The following CPT1A variants were observed in gnomAD, a reference collection of about 807,000 sequenced individuals.
CPT1A encodes the protein carnitine O-palmitoyltransferase 1, liver isoform.
CPT1A carries 64 observed loss-of-function variants against 100.8 expected under a neutral mutation model. The ratio of observed to expected loss-of-function variants is 0.63; its 90% CI spans 0.52 to 0.78. The LOEUF (loss-of-function observed/expected upper bound fraction) is 0.78. CPT1A is among the 30% of genes least tolerant of loss of function. The pLI is 0.00. For missense variants in CPT1A, 802 were observed against 1,034.1 expected (o/e 0.78, Z 3.08); for synonymous variants, 363 against 396.0 (o/e 0.92, Z 0.99).
intron 4 of CPT1A, 38 bp from the exon 5 acceptor site, chr11:68,804,139 A>G (rs372242969): frequency 9.2e-6 from 14 of 1,516,444 alleles, no homozygotes; most frequent in Non-Finnish European, 1.2e-5. Context: ...CTACTGCCAT[A>G]CTACTCTGAA....
intron 1 of CPT1A, among the ~76,000 whole-genome samples, chr11:68,825,866 C>T (rs1388401290): frequency 1.3e-5 from 2 of 152,160 alleles, no homozygotes; most frequent in Non-Finnish European, 1.5e-5. Flanking sequence ...TCTGAGTCAC[C>T]GGAAACAAAG....
chr11:68,795,887 C>T (rs568142828), intron 7 of CPT1A, among the ~76,000 whole-genome samples: 4 of 143,984 alleles, frequency 2.8e-5, no homozygotes, highest in African/African-American at 7.8e-5. Context: ...CCAGCCTCAG[C>T]GACAGAGCAA....
chr11:68,755,098 T>G lies in CPT1A; in HGVS notation c.*2546A>C, dbSNP rs370665972. ...CCTTGGACATGTACAATAAGACCCC[T>G]CTTTCTCCCCTCAAGGAATATAAAA... On this transcript the variant is annotated 3_prime_UTR_variant, in exon 19 of 19. Coordinates refer to ENST00000265641, the MANE Select transcript of CPT1A (RefSeq NM_001876.4). 1 of 482,386 alleles carries G rather than the reference T, an allele frequency of 2.1e-6. No homozygotes were observed. The allele number at this position is 482,386 out of a possible 1,614,324, so 29.9% of individuals were successfully genotyped here.
intron 6 of CPT1A, among the ~76,000 whole-genome samples, chr11:68,797,237 C>G (rs1391014522): frequency 6.6e-6 from 1 of 151,932 alleles, no homozygotes; most frequent in African/African-American, 2.4e-5. Flanking sequence ...ACCAGGAGTT[C>G]GAGACCAGGC....
chr11:68,825,160 G>A (rs1856690717), intron 1 of CPT1A, among the ~76,000 whole-genome samples: 1 of 152,158 alleles, frequency 6.6e-6, no homozygotes. Flanking sequence ...GGACGGGTAG[G>A]AAGGAGCCAT....
Position 68,797,706 on chromosome 11 carries a change from G to A in CPT1A, c.694-773C>T, listed in dbSNP as rs983325426. Among the ~76,000 whole-genome samples the A allele has an allele frequency of 1.9e-4, 29 of 152,322 alleles. No homozygotes were observed. The Middle Eastern group carries it at 0.01, about 54-fold the overall frequency. On this transcript the variant is annotated intron_variant, in intron 6 of 18. Coordinates refer to ENST00000265641, the MANE Select transcript of CPT1A (RefSeq NM_001876.4). ...GAAAACAGAAACAAAGGCCAGGAGC[G>A]GTGGCTCACGCCTGTCATCCCAGCA...
intron 14 of CPT1A, among the ~76,000 whole-genome samples, chr11:68,769,214 C>T (rs927258517): frequency 6.6e-5 from 10 of 152,062 alleles, no homozygotes; most frequent in African/African-American, 1.9e-4. Context: ...TGCTTTTGTA[C>T]GAGGACTGCA....
intron 1 of CPT1A, among the ~76,000 whole-genome samples, chr11:68,817,614 A>G (rs1856464989): frequency 6.6e-6 from 1 of 151,806 alleles, no homozygotes; most frequent in Admixed American, 6.6e-5. Flanking sequence ...TGGAGGCAGG[A>G]AGGGCAGGAG....
At chr11:68,839,601 C>G in intron 1 of CPT1A, 1 of 985,480 alleles carries the variant, frequency 1.0e-6, no homozygotes, top group South Asian at 4.7e-5. Context: ...GGGGACAGCT[C>G]GGTGCTCAGT....
intron 3 of CPT1A, among the ~76,000 whole-genome samples, chr11:68,808,975 G>GAAATAAAAAATAATAA (rs1444633484): frequency 2.7e-5 from 4 of 147,980 alleles, no homozygotes; most frequent in Non-Finnish European, 6.0e-5. Flanking sequence ...AATAAAATAA[G>GAAATAAAAAATAATAA]AAATAAAAAA....
chr11:68,804,651 G>A (rs1214218500), intron 4 of CPT1A, among the ~76,000 whole-genome samples: 2 of 152,214 alleles, frequency 1.3e-5, no homozygotes, highest in African/African-American at 2.4e-5. Context: ...GCCTGACAGA[G>A]GCCGTGAGAT....
intron 15 of CPT1A, among the ~76,000 whole-genome samples, chr11:68,762,346 T>C (rs1435029153): frequency 6.6e-6 from 1 of 152,218 alleles, no homozygotes; most frequent in Admixed American, 6.5e-5. Flanking sequence ...CCTTTCCTCA[T>C]TGTGTGTCCT....
intron 1 of CPT1A, among the ~76,000 whole-genome samples, chr11:68,816,579 TCAG>T (rs1333900715): frequency 2.6e-5 from 4 of 152,124 alleles, no homozygotes; most frequent in South Asian, 2.1e-4. Context: ...GCACAGCCGC[TCAG>T]CACAACACAG....
At chr11:68,808,086 G>A (rs934010446) in intron 3 of CPT1A, among the ~76,000 whole-genome samples, 6 of 152,224 alleles carry the variant, frequency 3.9e-5, no homozygotes, top group African/African-American at 1.4e-4. Flanking sequence ...CGGCAGGTGC[G>A]CAGGAGATTC....
In CPT1A at chr11:68,796,792, C is replaced by T. The variant is rs1337287246; in HGVS notation, c.771+64G>A. 3.9e-6 allele frequency: 6 copies of T among 1,524,890 alleles called. No homozygotes were observed. In the African/African-American group the frequency reaches 6.9e-5, roughly 17 times the overall value. 94.5% of individuals were successfully genotyped at this position (1,524,890 alleles called of 1,614,324 possible). A position where few individuals can be genotyped will look rare whatever the true frequency, so the allele number is the denominator to read the frequency against. On this transcript the variant is annotated intron_variant, in intron 7 of 18. Coordinates refer to ENST00000265641, the MANE Select transcript of CPT1A (RefSeq NM_001876.4). ...GTCCACAGGCCTGTGAAGACGCCAC[C>T]TCTGTGGACAGACCCGCCGCCCCAC...
chr11:68,771,695 T>C (rs1854994806), intron 14 of CPT1A, among the ~76,000 whole-genome samples: 1 of 152,238 alleles, frequency 6.6e-6, no homozygotes, highest in Non-Finnish European at 1.5e-5. Context: ...TTTTGGCCCA[T>C]TCATTCCAGT....
intron 1 of CPT1A, among the ~76,000 whole-genome samples, chr11:68,828,502 G>A (rs10896369): frequency 0.74 from 112,089 of 152,098 alleles, 43,803 homozygotes; most frequent in Non-Finnish European, 0.87. Context: ...GGGCACCCAT[G>A]TGTTACAACT....
rs1187571545 is a variant in CPT1A at position 68,759,444 on chromosome 11, C to T, written c.2235+125G>A. Reference sequence around the variant, plus strand: ...AAAGCAGTCCATTTATGTGAAAATTCCCGAAATCAAGTAAAAGCAGGCAGT... The same window carrying T: ...AAAGCAGTCCATTTATGTGAAAATTTCCGAAATCAAGTAAAAGCAGGCAGT... On this transcript the variant is annotated intron_variant, in intron 18 of 18. Coordinates refer to ENST00000265641, the MANE Select transcript of CPT1A (RefSeq NM_001876.4). 5.5e-6 allele frequency: 4 copies of T among 726,820 alleles called. No individual in the cohort carries two copies. The East Asian group carries it at 1.1e-4, about 20-fold the overall frequency. 45.0% of individuals were successfully genotyped at this position (726,820 alleles called of 1,614,324 possible).
At chr11:68,787,265 T>C (rs1464930475) in intron 9 of CPT1A, among the ~76,000 whole-genome samples, 1 of 151,522 alleles carries the variant, frequency 6.6e-6, no homozygotes, top group Non-Finnish European at 1.5e-5. Flanking sequence ...TGAAACCCCA[T>C]CTCTACTAAA....
Sources: allele counts gnomAD v4.1 joint callset (sites outside exome capture counted in the v4.1 genomes callset), GRCh38; gene constraint gnomAD v4.1.1; transcripts MANE v1.5; gene names NCBI Gene and HGNC (gene_info 2026-07-23, HGNC 2026-07-21).